The following LURAP1 variants were observed in gnomAD, a reference collection of about 807,000 sequenced individuals.
LURAP1 encodes leucine rich adaptor protein 1.
In LURAP1, 14 loss-of-function variants were observed where a neutral mutation model predicts 19.0. The observed-to-expected ratio is 0.74, with a 90% CI of 0.49 to 1.15. The LOEUF (loss-of-function observed/expected upper bound fraction) is 1.15. LURAP1 is among the 50% of genes most tolerant of loss of function. LURAP1 has a pLI of 0.00. For missense variants in LURAP1, 273 were observed against 309.1 expected (o/e 0.88, Z 0.87); for synonymous variants, 129 against 131.8 (o/e 0.98, Z 0.14).
At position 46,220,335 on chromosome 1, in the gene LURAP1, A is replaced by G; in HGVS notation, c.*115A>G. The G allele has an allele frequency of 8.9e-7, 1 of 1,122,022 alleles. No homozygotes were observed. Among genetic ancestry groups the G allele is most frequent in the Non-Finnish European group, 1.3e-6 (1 of 795,004 alleles). The allele number at this position is 1,122,022 out of a possible 1,614,324, so 69.5% of individuals were successfully genotyped here. On this transcript the variant is annotated 3_prime_UTR_variant, in exon 2 of 2. Coordinates refer to ENST00000371980, the MANE Select transcript of LURAP1 (RefSeq NM_001013615.3). ...GGAAGAGGCTGCACTGAAATCAGTT[A>G]CCATGGAAACCTGGCTCATCATTTC...
In LURAP1 at chr1:46,220,350, C is replaced by A; in HGVS notation, c.*130C>A. On this transcript the variant is annotated 3_prime_UTR_variant, in exon 2 of 2. Transcript: ENST00000371980. ...GAAATCAGTTACCATGGAAACCTGG[C>A]TCATCATTTCTCTAGTCCCTAGGGA... 1 of 939,438 alleles carries A rather than the reference C, an allele frequency of 1.1e-6. No homozygotes were observed. Among genetic ancestry groups the A allele is most frequent in the Non-Finnish European group, 1.6e-6 (1 of 634,424 alleles). The allele number at this position is 939,438 out of a possible 1,614,324, so 58.2% of individuals were successfully genotyped here.
rs755400846 is a variant in LURAP1, at chr1:46,219,848, C to T, written c.348C>T (p.Gly116=). The T allele has an allele frequency of 5.0e-6, 8 of 1,613,958 alleles. No homozygotes were observed. The highest frequency in any genetic ancestry group is 2.2e-5 in the South Asian group (2 of 91,072). ...SLTSSQYSLT[G]GSPGRSRRGS... is the part of the protein sequence containing the mutation. ...CCAGCAGTCAATATAGCCTGACAGG[C>T]GGGAGCCCAGGCCGCTCAAGGCGAG... is the stretch of plus-strand genomic sequence containing the variant. Residue 116 remains glycine (G), a synonymous_variant, in exon 2 of 2, where the codon GGC becomes GGT. Transcript: ENST00000371980.
intron 1 of LURAP1, among the ~76,000 whole-genome samples, chr1:46,206,543 T>C (rs1658723266): frequency 6.6e-6 from 1 of 152,178 alleles, no homozygotes; most frequent in African/African-American, 2.4e-5. Context: ...GCTGCATCTC[T>C]CCTGAGCTGT....
chr1:46,207,541 TTTC>T (rs1658754438), intron 1 of LURAP1, among the ~76,000 whole-genome samples: 3 of 152,074 alleles, frequency 2.0e-5, no homozygotes, highest in African/African-American at 4.8e-5. Flanking sequence ...TCTTTCTTTC[TTTC>T]TTTTTTTTTT....
chr1:46,211,195 T>G (rs1225442301), intron 1 of LURAP1, among the ~76,000 whole-genome samples: 1 of 152,156 alleles, frequency 6.6e-6, no homozygotes, highest in Non-Finnish European at 1.5e-5. Context: ...CCTGTCTGTT[T>G]AGATTCTTAT....
At chr1:46,210,143 A>G (rs758897473) in intron 1 of LURAP1, among the ~76,000 whole-genome samples, 1 of 152,202 alleles carries the variant, frequency 6.6e-6, no homozygotes, top group Non-Finnish European at 1.5e-5. Flanking sequence ...TAGCAAATCC[A>G]TGTACCCAAT....
At chr1:46,212,780 GAC>G (rs1269801724) in intron 1 of LURAP1, among the ~76,000 whole-genome samples, 2 of 150,818 alleles carry the variant, frequency 1.3e-5, no homozygotes, top group Non-Finnish European at 3.0e-5. Flanking sequence ...ATTTTTTTGA[GAC>G]AGAGTCTCGC....
chr1:46,220,120 A>C lies in LURAP1; in HGVS notation c.620A>C (p.Gln207Pro). The change falls in exon 2 of 2, where the codon CAA (glutamine) becomes CCA (proline). Residue 207 changes from glutamine to proline, a missense_variant. Transcript: ENST00000371980. ...TGGAAGCCCCCAGGGGAGAGGCTTC[A>C]AGGTGGACCACCTGAGTCACCAGAG... Reference protein sequence around the residue: ...AVWKPPGERLQGGPPESPEDE... With the variant: ...AVWKPPGERLPGGPPESPEDE... 3.1e-6 allele frequency: 5 copies of C among 1,614,196 alleles called. No individual in the cohort carries two copies. Among genetic ancestry groups the C allele is most frequent in the Non-Finnish European group, 4.2e-6 (5 of 1,180,032 alleles).
rs141982741 is a variant in LURAP1, at chr1:46,216,043, C to CTTTTTTTTTTTTT, written c.199-3645_199-3633dup. ...AAAATAATTTCAACTTTTATTTTAT[C>CTTTTTTTTTTTTT]TTTTTTTTTTTTTTTTTTTTTTTGT... On this transcript the variant is annotated intron_variant, in intron 1 of 1. Transcript: ENST00000371980. Among the ~76,000 whole-genome samples the CTTTTTTTTTTTTT allele has an allele frequency of 7.6e-3, 707 of 92,546 alleles. 3 individuals are homozygous for CTTTTTTTTTTTTT. The highest frequency in any genetic ancestry group is 9.4e-3 in the Non-Finnish European group (487 of 52,046). The allele number at this position is 92,546 out of a possible 152,430, so 60.7% of individuals were successfully genotyped here.
At chr1:46,214,045 A>G (rs1658984199) in intron 1 of LURAP1, among the ~76,000 whole-genome samples, 1 of 152,074 alleles carries the variant, frequency 6.6e-6, no homozygotes, top group South Asian at 2.1e-4. Context: ...ACCTAAATAA[A>G]TAGGAAAAAG....
intron 1 of LURAP1, among the ~76,000 whole-genome samples, chr1:46,212,406 C>T (rs1406263998): frequency 2.7e-5 from 4 of 150,484 alleles, no homozygotes; most frequent in African/African-American, 4.9e-5. Context: ...TCAGCCTCCC[C>T]AGCAGCTGGG....
chr1:46,215,635 A>G (rs1053095064), intron 1 of LURAP1, among the ~76,000 whole-genome samples: 26 of 152,348 alleles, frequency 1.7e-4, no homozygotes, highest in African/African-American at 6.3e-4. Flanking sequence ...GCCATGGCAC[A>G]TGCCTCTAAT....
intron 1 of LURAP1, among the ~76,000 whole-genome samples, chr1:46,205,500 C>G: frequency 6.6e-6 from 1 of 152,332 alleles, no homozygotes; most frequent in East Asian, 1.9e-4. Flanking sequence ...ATCATTTCTC[C>G]CATCTTACAG....
At chr1:46,215,225 C>CAAAAA (rs35554687) in intron 1 of LURAP1, among the ~76,000 whole-genome samples, 1 of 75,578 alleles carries the variant, frequency 1.3e-5, no homozygotes, top group Non-Finnish European at 2.7e-5. Flanking sequence ...AACTCTGTCT[C>CAAAAA]AAAAAAAAAA....
rs189232602 is a variant in LURAP1 at position 46,220,512 on chromosome 1, C to G, written c.*292C>G. 221 of 288,682 alleles carry G rather than the reference C, an allele frequency of 7.7e-4. No homozygotes were observed. Among genetic ancestry groups the G allele is most frequent in the African/African-American group, 4.1e-3 (190 of 45,816 alleles). The allele number at this position is 288,682 out of a possible 1,614,324, so 17.9% of individuals were successfully genotyped here. A position where few individuals can be genotyped will look rare whatever the true frequency, so the allele number is the denominator to read the frequency against. On this transcript the variant is annotated 3_prime_UTR_variant, in exon 2 of 2. Transcript: ENST00000371980. ...TGGCATGATCACAGCTCACTGCAGC[C>G]TTGACCTCCTGGGCTCAAGCGATCC... is the stretch of plus-strand genomic sequence containing the variant.
chr1:46,220,605 T>G lies in LURAP1; in HGVS notation c.*385T>G, dbSNP rs1013218026. On this transcript the variant is annotated 3_prime_UTR_variant, in exon 2 of 2. Transcript: ENST00000371980. ...CCACCATGCCCAGCTAATTGTTTAT[T>G]TATTTATTTTTTTTTTGTAGAGATA... 6.2e-6 allele frequency: 1 copy of G among 160,478 alleles called. No homozygotes were observed. The highest frequency in any genetic ancestry group is 2.4e-5 in the African/African-American group (1 of 41,440). 9.9% of individuals were successfully genotyped at this position (160,478 alleles called of 1,614,324 possible).
intron 1 of LURAP1, among the ~76,000 whole-genome samples, chr1:46,211,439 G>GCACACACACACACA (rs57919535): frequency 1.3e-5 from 1 of 78,960 alleles, no homozygotes; most frequent in African/African-American, 3.5e-5. Context: ...ATGAAAACCT[G>GCACACACACACACA]CACACACACA....
intron 1 of LURAP1, among the ~76,000 whole-genome samples, chr1:46,216,461 C>A (rs1659074977): frequency 6.6e-6 from 1 of 152,138 alleles, no homozygotes; most frequent in South Asian, 2.1e-4. Flanking sequence ...CTCACCTCAG[C>A]CTCCCGAGGA....
intron 1 of LURAP1, among the ~76,000 whole-genome samples, chr1:46,219,226 C>T (rs545943504): frequency 8.0e-5 from 12 of 150,756 alleles, no homozygotes; most frequent in Admixed American, 5.3e-4. Flanking sequence ...ACCCAGGAGG[C>T]GGAGGTTGCG....
Sources: allele counts gnomAD v4.1 joint callset (sites outside exome capture counted in the v4.1 genomes callset), GRCh38; gene constraint gnomAD v4.1.1; transcripts MANE v1.5; gene names NCBI Gene and HGNC (gene_info 2026-07-23, HGNC 2026-07-21).